The following TRIM69 variants were observed in gnomAD, a reference collection of about 807,000 sequenced individuals.
The protein encoded by TRIM69 is tripartite motif containing 69.
A neutral mutation model predicts 37.7 loss-of-function variants in TRIM69; 29 were observed. That is an observed-to-expected ratio of 0.77 (90% CI 0.57 to 1.05). The LOEUF is 1.05. Among genes scored for constraint, TRIM69 ranks in the 50% least tolerant of loss-of-function variants. The pLI is 0.00. For synonymous variants in TRIM69, 209 were observed against 212.4 expected (o/e 0.98, Z 0.14); for missense variants, 596 against 579.9 (o/e 1.03, Z -0.28).
intron 1 of TRIM69, among the ~76,000 whole-genome samples, chr15:44,737,115 T>C (rs893640402): frequency 6.6e-6 from 1 of 152,202 alleles, no homozygotes; most frequent in African/African-American, 2.4e-5. Context: ...ATTGAATTCT[T>C]CCTTTAAGAC....
Position 44,767,223 on chromosome 15 carries a change from C to T in TRIM69, c.962-8C>T. ...CCCATGCTCTGCTTTCTTTTATTTTCTTACTAGGCCTGTCTCCACTAACTC... is the reference window on the plus strand; with the variant it reads ...CCCATGCTCTGCTTTCTTTTATTTTTTTACTAGGCCTGTCTCCACTAACTC... On this transcript the variant is annotated splice_polypyrimidine_tract_variant and splice_region_variant and intron_variant, in intron 6 of 6. Transcript: ENST00000329464. 6.2e-7 allele frequency: 1 copy of T among 1,600,202 alleles called. No individual in the cohort carries two copies. The highest frequency in any genetic ancestry group is 8.5e-7 in the Non-Finnish European group (1 of 1,173,636).
In TRIM69 at chr15:44,756,384, A is replaced by G; in HGVS notation, c.500A>G (p.Gln167Arg). The G allele has an allele frequency of 1.9e-6, 3 of 1,550,604 alleles. No individual in the cohort carries two copies. The highest frequency in any genetic ancestry group is 2.6e-6 in the Non-Finnish European group (3 of 1,146,564). Residue 167 changes from glutamine (Q) to arginine (R), a missense_variant, in exon 3 of 7, where the codon CAA (glutamine) becomes CGA (arginine). Physicochemically the swap from Gln to Arg is conservative, Grantham distance 43. Transcript: ENST00000329464. ...TATTCCCAGGAGGAGCTTGCCATCC[A>G]ACAGGGTCAACTGGAGACAACTCTG... is the stretch of plus-strand genomic sequence containing the variant. ...VHFFTEELAI[Q>R]QGQLETTLKE...
At position 44,767,503 on chromosome 15, in the gene TRIM69, G is replaced by C. The variant is rs1322479744; in HGVS notation, c.1234G>C (p.Gly412Arg). Residue 412 changes from glycine to arginine, a missense_variant, in exon 7 of 7, where the codon GGA (glycine) becomes CGA (arginine). Physicochemically the swap from Gly to Arg is moderately radical, Grantham distance 125. Coordinates refer to ENST00000329464, the MANE Select transcript of TRIM69 (RefSeq NM_182985.5). ...CAGCTGTCCTCTAACTCCTGAGCAA[G>C]GATTCTGGCTTTTAAGACTAAGGAA... ...KGSCPLTPEQ[G>R]FWLLRLRNQT... 1.2e-6 allele frequency: 2 copies of C among 1,614,170 alleles called. No homozygotes were observed. Among genetic ancestry groups the C allele is most frequent in the South Asian group, 2.2e-5 (2 of 91,082 alleles).
chr15:44,755,301 A>T lies in TRIM69; in HGVS notation c.408A>T (p.Gln136His). 6.2e-7 allele frequency: 1 copy of T among 1,614,176 alleles called. No individual in the cohort carries two copies. The highest frequency in any genetic ancestry group is 8.5e-7 in the Non-Finnish European group (1 of 1,180,020). Residue 136 changes from glutamine to histidine, a missense_variant, in exon 2 of 7, where the codon CAA (glutamine) becomes CAT (histidine). Transcript: ENST00000329464. ...SKPDGKLICF[Q>H]CKDARLSVGQ... ...CAGATGGGAAACTGATCTGCTTTCA[A>T]TGCAAGGATGCTCGGTTGTCTGTGG...
chr15:44,753,107 T>C (rs1381356314), intron 1 of TRIM69: 2 of 152,178 alleles, frequency 1.3e-5, no homozygotes, highest in Non-Finnish European at 1.5e-5. Flanking sequence ...CTCTACTTCT[T>C]TATATGGCTT....
intron 3 of TRIM69, chr15:44,756,698 T>C: frequency 5.2e-6 from 2 of 382,660 alleles, no homozygotes; most frequent in Non-Finnish European, 9.3e-6. Context: ...ATCTTTTCGA[T>C]AGTTCAGTCA....
intron 3 of TRIM69, 114 bp from the exon 4 acceptor site, chr15:44,758,507 T>A: frequency 2.1e-6 from 3 of 1,418,862 alleles, no homozygotes; most frequent in Non-Finnish European, 2.8e-6. Context: ...TAGCCATTTG[T>A]ATGCATTTTT....
intron 6 of TRIM69, among the ~76,000 whole-genome samples, chr15:44,762,601 T>C (rs558407938): frequency 1.3e-5 from 2 of 152,252 alleles, no homozygotes; most frequent in African/African-American, 4.8e-5. Flanking sequence ...TCTATTGTTA[T>C]TCAAGTTCTC....
At chr15:44,737,125 C>A (rs1024128194) in intron 1 of TRIM69, among the ~76,000 whole-genome samples, 2 of 152,034 alleles carry the variant, frequency 1.3e-5, no homozygotes, top group Non-Finnish European at 2.9e-5. Context: ...TCCTTTAAGA[C>A]CTCTTCAGAG....
chr15:44,739,371 G>T (rs2087229802), intron 1 of TRIM69, among the ~76,000 whole-genome samples: 1 of 152,246 alleles, frequency 6.6e-6, no homozygotes, highest in Non-Finnish European at 1.5e-5. Context: ...GTGCCAGACA[G>T]TGGGCGCAGG....
chr15:44,737,088 G>T (rs2087178362), intron 1 of TRIM69, among the ~76,000 whole-genome samples: 1 of 152,074 alleles, frequency 6.6e-6, no homozygotes, highest in Non-Finnish European at 1.5e-5. Context: ...TTGATACTTA[G>T]ATAGTAAACA....
intron 6 of TRIM69, among the ~76,000 whole-genome samples, chr15:44,762,217 C>T (rs1438188349): frequency 6.6e-6 from 1 of 152,142 alleles, no homozygotes; most frequent in African/African-American, 2.4e-5. Flanking sequence ...CTGCCCGCCT[C>T]GGCCTCCCAA....
intron 6 of TRIM69, among the ~76,000 whole-genome samples, chr15:44,762,878 T>C (rs1014015386): frequency 6.6e-6 from 1 of 152,176 alleles, no homozygotes; most frequent in Non-Finnish European, 1.5e-5. Flanking sequence ...ATTTTCCTGC[T>C]GCTTTGTATG....
chr15:44,758,664 T>C lies in TRIM69; in HGVS notation c.623T>C (p.Leu208Pro), dbSNP rs1341395490. 1.9e-6 allele frequency: 3 copies of C among 1,614,010 alleles called. No homozygotes were observed. Among genetic ancestry groups the C allele is most frequent in the African/African-American group, 1.3e-5 (1 of 74,920 alleles). The change falls in exon 4 of 7, where the codon CTA (leucine) becomes CCA (proline). Residue 208 changes from leucine to proline, a missense_variant. Transcript: ENST00000329464. ...CAGCAACATGTGTCCATGGAGTTTC[T>C]AAAGCTGCATCAGTTCCTGCACAGC... ...HLQQHVSMEF[L>P]KLHQFLHSKE... is the part of the protein sequence containing the mutation.
intron 6 of TRIM69, among the ~76,000 whole-genome samples, chr15:44,766,780 G>A (rs961673907): frequency 3.3e-5 from 5 of 152,012 alleles, no homozygotes; most frequent in Non-Finnish European, 7.4e-5. Context: ...TAAGTGGCCA[G>A]GTGCGGTGGC....
At chr15:44,742,964 C>T (rs1469503059) in intron 1 of TRIM69, among the ~76,000 whole-genome samples, 4 of 149,840 alleles carry the variant, frequency 2.7e-5, no homozygotes, top group African/African-American at 1.0e-4. Flanking sequence ...GAAAAAACTA[C>T]TTTAAAGTTC....
intron 1 of TRIM69, among the ~76,000 whole-genome samples, chr15:44,751,828 C>T (rs1232586468): frequency 2.0e-5 from 3 of 151,722 alleles, no homozygotes; most frequent in Non-Finnish European, 2.9e-5. Context: ...TCACTGCAAC[C>T]TCCACTTCCT....
At chr15:44,738,715 C>A (rs1331102925) in intron 1 of TRIM69, among the ~76,000 whole-genome samples, 1 of 152,164 alleles carries the variant, frequency 6.6e-6, no homozygotes, top group African/African-American at 2.4e-5. Flanking sequence ...GAGTTCAAAT[C>A]TGAGACCCAC....
intron 1 of TRIM69, among the ~76,000 whole-genome samples, chr15:44,749,128 G>A (rs759105316): frequency 3.3e-5 from 5 of 152,142 alleles, no homozygotes; most frequent in Non-Finnish European, 5.9e-5. Flanking sequence ...GGGCTCAAGC[G>A]ATCAAGCTTT....
Sources: allele counts gnomAD v4.1 joint callset (sites outside exome capture counted in the v4.1 genomes callset), GRCh38; gene constraint gnomAD v4.1.1; transcripts MANE v1.5; gene names NCBI Gene and HGNC (gene_info 2026-07-23, HGNC 2026-07-21).